GRAMD2B: variants seen among roughly 807,000 people sequenced by gnomAD.
GRAMD2B encodes GRAM domain-containing protein 2B.
A neutral mutation model predicts 59.2 loss-of-function variants in GRAMD2B; 41 were observed. That is an observed-to-expected ratio of 0.69 (90% confidence interval 0.54 to 0.90). GRAMD2B has a LOEUF of 0.90. GRAMD2B is among the 40% of genes least tolerant of loss of function. The probability of loss-of-function intolerance (pLI) is 0.00; values close to 1 mark genes in which losing one functional copy is unlikely to be tolerated. For missense variants in GRAMD2B, 424 were observed against 500.5 expected (o/e 0.85, Z 1.46); for synonymous variants, 161 against 182.7 (o/e 0.88, Z 0.96).
intron 1 of GRAMD2B, among the ~76,000 whole-genome samples, chr5:126,457,915 T>C (rs1017592273): frequency 6.6e-6 from 1 of 152,118 alleles, no homozygotes; most frequent in Admixed American, 6.5e-5. Flanking sequence ...CTCCATAACA[T>C]TGTGATTCTT....
chr5:126,441,002 A>G (rs1381681241), intron 1 of GRAMD2B, among the ~76,000 whole-genome samples: 1 of 152,160 alleles, frequency 6.6e-6, no homozygotes, highest in Non-Finnish European at 1.5e-5. Context: ...GCCTGGAAAA[A>G]TGTTCCCTAA....
intron 1 of GRAMD2B, among the ~76,000 whole-genome samples, chr5:126,446,176 GGTATT>G (rs755949401): frequency 3.3e-5 from 5 of 152,028 alleles, no homozygotes; most frequent in Admixed American, 6.5e-5. Flanking sequence ...GTTTGATATT[GGTATT>G]GTGTTTATTT....
intron 1 of GRAMD2B, among the ~76,000 whole-genome samples, chr5:126,382,784 G>A (rs1035579626): frequency 7.2e-5 from 11 of 151,994 alleles, no homozygotes; most frequent in African/African-American, 1.9e-4. Context: ...TCATATTACC[G>A]GAATTGTTTT....
intron 13 of GRAMD2B, among the ~76,000 whole-genome samples, chr5:126,490,948 G>A (rs1202376631): frequency 6.6e-6 from 1 of 152,176 alleles, no homozygotes; most frequent in Non-Finnish European, 1.5e-5. Context: ...AGTGAAGTCT[G>A]TCTTCAAATG....
chr5:126,457,191 C>CAAAAAAAAAAAAA (rs559904336), intron 1 of GRAMD2B, among the ~76,000 whole-genome samples: 1 of 63,968 alleles, frequency 1.6e-5, no homozygotes, highest in African/African-American at 5.5e-5. Flanking sequence ...GACTCCGTCT[C>CAAAAAAAAAAAAA]AAAAAAAAAA....
At chr5:126,382,881 G>A (rs1225528105) in intron 1 of GRAMD2B, among the ~76,000 whole-genome samples, 2 of 152,104 alleles carry the variant, frequency 1.3e-5, no homozygotes, top group Non-Finnish European at 2.9e-5. Flanking sequence ...GTCCCACAGG[G>A]CGATTCCTTG....
At chr5:126,446,799 G>A (rs1360401593) in intron 1 of GRAMD2B, among the ~76,000 whole-genome samples, 1 of 152,092 alleles carries the variant, frequency 6.6e-6, no homozygotes, top group Non-Finnish European at 1.5e-5. Context: ...CAGAAACTGG[G>A]ACTTGAGCTA....
At chr5:126,435,316 G>A (rs1296715820) in intron 1 of GRAMD2B, among the ~76,000 whole-genome samples, 1 of 152,192 alleles carries the variant, frequency 6.6e-6, no homozygotes. Flanking sequence ...AAGCGAGGTT[G>A]ATGGACAAGG....
rs554186669 is a variant in GRAMD2B, at chr5:126,488,480, TA to T, written c.1164-318del. On this transcript the variant is annotated intron_variant, in intron 12 of 13. Transcript: ENST00000285689. ...GCTCTGGTGGAGACAGAAAGGATAT[TA>T]GGGGTTAATAAAAGGGTTCTAAGAA... 4.1e-3 allele frequency among the ~76,000 whole-genome samples: 631 copies of T among 152,310 alleles called. 19 individuals are homozygous for T. Among genetic ancestry groups the T allele is most frequent in the Non-Finnish European group, 1.0e-3 (70 of 68,026 alleles).
chr5:126,484,639 A>G, intron 10 of GRAMD2B, 115 bp downstream of exon 10: 1 of 1,076,686 alleles, frequency 9.3e-7, no homozygotes. Context: ...GCTGTAGTGC[A>G]ATAACATGAT....
chr5:126,487,244 G>A (rs1160521441), intron 12 of GRAMD2B, among the ~76,000 whole-genome samples: 1 of 152,090 alleles, frequency 6.6e-6, no homozygotes, highest in Non-Finnish European at 1.5e-5. Context: ...AATATGCTAA[G>A]ATGCAGTTGT....
intron 6 of GRAMD2B, among the ~76,000 whole-genome samples, chr5:126,479,221 T>C (rs1411684181): frequency 6.6e-6 from 1 of 152,104 alleles, no homozygotes; most frequent in African/African-American, 2.4e-5. Flanking sequence ...CTTTTTTCAA[T>C]AGAGATGGGG....
intron 1 of GRAMD2B, among the ~76,000 whole-genome samples, chr5:126,364,076 T>G (rs1477874602): frequency 6.6e-6 from 1 of 152,204 alleles, no homozygotes; most frequent in African/African-American, 2.4e-5. Context: ...AAAATAAATA[T>G]AAAATTTGCT....
chr5:126,405,344 TG>T (rs1391471277), intron 1 of GRAMD2B, among the ~76,000 whole-genome samples: 1 of 151,906 alleles, frequency 6.6e-6, no homozygotes, highest in African/African-American at 2.4e-5. Context: ...TAGTACATTG[TG>T]GGAAAAGAGC....
intron 1 of GRAMD2B, among the ~76,000 whole-genome samples, chr5:126,407,043 T>C (rs1263802938): frequency 6.6e-6 from 1 of 152,068 alleles, no homozygotes; most frequent in Non-Finnish European, 1.5e-5. Flanking sequence ...TGAGTGTTTT[T>C]CAAGTAATTG....
intron 1 of GRAMD2B, among the ~76,000 whole-genome samples, chr5:126,437,058 G>A (rs895614389): frequency 6.6e-6 from 1 of 152,228 alleles, no homozygotes; most frequent in Admixed American, 6.5e-5. Context: ...TTTTTGTGAT[G>A]AGAAGGAGGT....
chr5:126,409,756 C>G (rs1371992670), intron 1 of GRAMD2B, among the ~76,000 whole-genome samples: 1 of 152,082 alleles, frequency 6.6e-6, no homozygotes, highest in Non-Finnish European at 1.5e-5. Flanking sequence ...GACATGAAGT[C>G]CTTGCCCATG....
intron 1 of GRAMD2B, among the ~76,000 whole-genome samples, chr5:126,447,626 T>A (rs1452851780): frequency 1.6e-4 from 23 of 146,610 alleles, no homozygotes; most frequent in African/African-American, 5.9e-4. Flanking sequence ...ATCGTGCCAC[T>A]GCACTCCAGC....
intron 1 of GRAMD2B, among the ~76,000 whole-genome samples, chr5:126,432,223 C>A (rs1033728861): frequency 6.6e-6 from 1 of 152,188 alleles, no homozygotes; most frequent in Non-Finnish European, 1.5e-5. Flanking sequence ...GCCACCATAA[C>A]CAGCCCTAGT....
Sources: gnomAD v4.1 joint callset for allele counts (sites outside exome capture counted in the v4.1 genomes callset) on GRCh38, gnomAD v4.1.1 for gene constraint, MANE v1.5 for transcripts, NCBI Gene and HGNC (gene_info 2026-07-23, HGNC 2026-07-21) for gene names.